Variants in USH1C observed in about 807,000 individuals in gnomAD.
USH1C encodes harmonin.
In USH1C, 90 loss-of-function variants were observed where a neutral mutation model predicts 119.3. That is an observed-to-expected ratio of 0.75 (90% CI 0.64 to 0.90). USH1C has a LOEUF of 0.90. Ranked by LOEUF, USH1C falls within the 40% of genes least tolerant of loss-of-function variation. The pLI is 0.00. For missense variants in USH1C, 1,165 were observed against 1,167.7 expected, an observed-to-expected ratio of 1.00 and a Z score of 0.03; for synonymous variants, 465 against 443.3, an observed-to-expected ratio of 1.05 and a Z score of -0.62.
intron 12 of USH1C, 116 bp downstream of exon 12, chr11:17,522,668 G>A: frequency 6.8e-7 from 1 of 1,463,444 alleles, no homozygotes. Context: ...CTGAGGACTG[G>A]CCTCCAGGGA....
chr11:17,526,492 G>T (rs36001077), intron 7 of USH1C, 51 bp from the exon 8 acceptor site: 1 of 1,522,554 alleles, frequency 6.6e-7, no homozygotes, highest in East Asian at 2.3e-5. Context: ...GCGTGCAAGC[G>T]GCCTCTTGAG....
In USH1C at chr11:17,509,813, G is replaced by T; in HGVS notation, c.1556C>A (p.Pro519Gln). 6.3e-7 allele frequency: 1 copy of T among 1,597,096 alleles called. No homozygotes were observed. Among genetic ancestry groups the T allele is most frequent in the Non-Finnish European group, 8.5e-7 (1 of 1,177,914 alleles). ...TGGGGCCAGGGGAGACACAGAAGGC[G>T]GGGGAGGCGGGGGCCCTGTGGTCAT... ...SEMTTGPPPP[P>Q]PSVSPLAPPL... Residue 519 changes from proline (P) to glutamine (Q), a missense_variant, in exon 18 of 27, where the codon CCG becomes CAG. By Grantham distance (76) the Pro-to-Gln change is moderately conservative. Coordinates refer to ENST00000005226, the MANE Select transcript of USH1C (RefSeq NM_153676.4).
At chr11:17,510,543 G>C in intron 16 of USH1C, 22 bp from the exon 17 acceptor site, 2 of 1,570,664 alleles carry the variant, frequency 1.3e-6, no homozygotes, top group Admixed American at 1.7e-5. Flanking sequence ...GATCGGCGCA[G>C]AAAGGAGAGG....
chr11:17,514,919 C>T lies in USH1C; in HGVS notation c.1260+1322G>A, dbSNP rs1850071268. Among the ~76,000 whole-genome samples, 4 of 151,460 alleles carry T rather than the reference C, an allele frequency of 2.6e-5. No individual in the cohort carries two copies. In the South Asian group the frequency reaches 8.3e-4, roughly 31 times the overall value. On this transcript the variant is annotated intron_variant, in intron 15 of 26. Transcript: ENST00000005226. ...TCTTTATCAACAGCACTTTCAAGGA[C>T]ATGATTTCTGATGGGAGGTGGTATG...
chr11:17,522,950 T>C (rs1272191756), intron 11 of USH1C, 24 bp from the exon 12 acceptor site: 1 of 1,605,296 alleles, frequency 6.2e-7, no homozygotes, highest in Non-Finnish European at 8.5e-7. Flanking sequence ...AGAGGCCCCT[T>C]GCTCAGCCCC....
At chr11:17,522,358 C>T (rs1850450073) in intron 12 of USH1C, among the ~76,000 whole-genome samples, 2 of 152,136 alleles carry the variant, frequency 1.3e-5, no homozygotes, top group Non-Finnish European at 2.9e-5. Flanking sequence ...GTGGCTTCAC[C>T]TCTCTGAGTG....
intron 2 of USH1C, among the ~76,000 whole-genome samples, 192 bp downstream of exon 2, chr11:17,533,063 C>T (rs1851058086): frequency 1.3e-5 from 2 of 152,170 alleles, no homozygotes; most frequent in South Asian, 4.2e-4. Flanking sequence ...ATACCCAGCC[C>T]CTAGTACAAA....
At chr11:17,496,928 C>T in intron 24 of USH1C, 115 bp from the exon 25 acceptor site, 3 of 1,258,244 alleles carry the variant, frequency 2.4e-6, no homozygotes, top group Non-Finnish European at 3.4e-6. Context: ...GCTGCACCTT[C>T]TTCCCACGGG....
At chr11:17,498,037 A>G (rs1354847861) in intron 24 of USH1C, 125 bp downstream of exon 24, 4 of 785,406 alleles carry the variant, frequency 5.1e-6, no homozygotes, top group Non-Finnish European at 8.8e-6. Flanking sequence ...GGTGTCACCA[A>G]AGTGTTGCCT....
chr11:17,498,375 A>G (rs1199665044), intron 23 of USH1C, 104 bp from the exon 24 acceptor site: 9 of 1,080,862 alleles, frequency 8.3e-6, no homozygotes, highest in South Asian at 3.8e-5. Flanking sequence ...AAGAGACCTG[A>G]GCCTGGGTTC....
intron 1 of USH1C, among the ~76,000 whole-genome samples, chr11:17,543,729 G>A (rs1267280474): frequency 6.6e-6 from 1 of 152,128 alleles, no homozygotes; most frequent in Non-Finnish European, 1.5e-5. Flanking sequence ...CACCGCACCC[G>A]GGTCAGCACC....
At chr11:17,501,570 G>A (rs376011428) in intron 21 of USH1C, 35 bp from the exon 22 acceptor site, 22 of 1,601,178 alleles carry the variant, frequency 1.4e-5, no homozygotes, top group Non-Finnish European at 1.8e-5. Flanking sequence ...GCTTTGAGCT[G>A]GCCTGAAGGA....
intron 15 of USH1C, among the ~76,000 whole-genome samples, chr11:17,514,200 A>G (rs1229398538): frequency 6.6e-6 from 1 of 152,202 alleles, no homozygotes; most frequent in African/African-American, 2.4e-5. Flanking sequence ...TGGAAATAGA[A>G]GACACTGAAT....
chr11:17,503,422 T>G (rs868829659), intron 20 of USH1C, among the ~76,000 whole-genome samples: 2 of 152,192 alleles, frequency 1.3e-5, no homozygotes, highest in African/African-American at 4.8e-5. Flanking sequence ...CATAAGCCAC[T>G]GCAGCTGGTT....
intron 16 of USH1C, among the ~76,000 whole-genome samples, chr11:17,511,693 A>G (rs530850947): frequency 2.8e-4 from 42 of 152,360 alleles, no homozygotes; most frequent in African/African-American, 9.4e-4. Context: ...CAAGGAGATT[A>G]GTTTCAATTC....
chr11:17,498,984 T>G (rs1267298633), intron 23 of USH1C, among the ~76,000 whole-genome samples: 1 of 152,220 alleles, frequency 6.6e-6, no homozygotes, highest in Non-Finnish European at 1.5e-5. Flanking sequence ...TAAATGAAGC[T>G]GTAATAAGGT....
chr11:17,534,903 G>A (rs907960509), intron 1 of USH1C, among the ~76,000 whole-genome samples: 1 of 147,164 alleles, frequency 6.8e-6, no homozygotes, highest in Non-Finnish European at 1.5e-5. Flanking sequence ...GGAGCTCCCA[G>A]ATGACAGGAG....
intron 14 of USH1C, among the ~76,000 whole-genome samples, chr11:17,518,549 C>A (rs1488406822): frequency 6.6e-6 from 1 of 152,194 alleles, no homozygotes; most frequent in Non-Finnish European, 1.5e-5. Flanking sequence ...GTGTCCTGGC[C>A]TTCAGGGCTT....
chr11:17,510,031 G>A (rs1849820464), intron 17 of USH1C, among the ~76,000 whole-genome samples, 193 bp from the exon 18 acceptor site: 1 of 152,176 alleles, frequency 6.6e-6, no homozygotes, highest in Non-Finnish European at 1.5e-5. Context: ...TGCTGTTAGG[G>A]AGTGCCCAAA....
Sources: allele counts gnomAD v4.1 joint callset (sites outside exome capture counted in the v4.1 genomes callset), GRCh38; gene constraint gnomAD v4.1.1; transcripts MANE v1.5; gene names NCBI Gene and HGNC (gene_info 2026-07-23, HGNC 2026-07-21).